Variants in ZFHX3 observed in about 807,000 individuals in gnomAD.
ZFHX3 encodes zinc finger homeobox 3.
In ZFHX3, 42 loss-of-function variants were observed where a neutral mutation model predicts 279.1. That is an observed-to-expected ratio of 0.15 (90% CI 0.12 to 0.19). ZFHX3 has a LOEUF of 0.19. Ranked by LOEUF, ZFHX3 falls within the 10% of genes least tolerant of loss-of-function variation. ZFHX3 has a pLI of 1.00. For synonymous variants in ZFHX3, 2,293 were observed against 1,957.8 expected (o/e 1.17, Z -4.52); for missense variants, 4,981 against 4,754.0 (o/e 1.05, Z -1.40).
At chr16:73,228,894 TCTCC>T (rs1810414559) in intron 5 of ZFHX3, among the ~76,000 whole-genome samples, 1 of 152,170 alleles carries the variant, frequency 6.6e-6, no homozygotes, top group South Asian at 2.1e-4. Flanking sequence ...CTGGTTTCCT[TCTCC>T]CTTGTGTTTT....
chr16:73,178,774 G>A (rs932813623), intron 5 of ZFHX3, among the ~76,000 whole-genome samples: 20 of 152,260 alleles, frequency 1.3e-4, no homozygotes, highest in African/African-American at 4.8e-4. Context: ...AGGCACAGAA[G>A]CATGGCAGAA....
intron 1 of ZFHX3, among the ~76,000 whole-genome samples, chr16:73,729,111 G>A (rs2053546786): frequency 6.6e-6 from 1 of 152,122 alleles, no homozygotes; most frequent in African/African-American, 2.4e-5. Flanking sequence ...CATTCTGAAG[G>A]GTAGTCTGCC....
intron 5 of ZFHX3, among the ~76,000 whole-genome samples, chr16:73,165,782 T>C (rs1190114405): frequency 6.6e-6 from 1 of 152,070 alleles, no homozygotes; most frequent in East Asian, 1.9e-4. Context: ...GGAATAAAAA[T>C]AACTACCTGG....
At position 73,686,127 on chromosome 16, in the gene ZFHX3, T is replaced by A. The variant is rs113470326; in HGVS notation, c.-1607-5887A>T. On this transcript the variant is annotated intron_variant, in intron 1 of 17. Transcript: ENST00000641206. ...TTATTTATTTATTTGAGATTGAGTCTCACTGTTGCCCAGGCTGGAGTGCAG... is the reference window on the plus strand; with the variant it reads ...TTATTTATTTATTTGAGATTGAGTCACACTGTTGCCCAGGCTGGAGTGCAG... 4.9e-4 allele frequency among the ~76,000 whole-genome samples: 75 copies of A among 152,200 alleles called. 1 individual carries two copies. The highest frequency in any genetic ancestry group is 6.8e-3 in the Middle Eastern group (2 of 294).
chr16:73,749,460 G>A (rs1305845107), intron 1 of ZFHX3, among the ~76,000 whole-genome samples: 1 of 152,046 alleles, frequency 6.6e-6, no homozygotes, highest in Non-Finnish European at 1.5e-5. Flanking sequence ...ATTTATTACA[G>A]CTATTTACTA....
intron 4 of ZFHX3, among the ~76,000 whole-genome samples, chr16:72,867,734 A>AG (rs750780252): frequency 3.3e-5 from 4 of 121,704 alleles, no homozygotes; most frequent in Non-Finnish European, 5.9e-5. Context: ...AAAAAAAAAA[A>AG]AAGAAGAAGA....
rs762134796 is a variant in ZFHX3, at chr16:73,780,111, A to ATTTTTTT, written c.-1607-99878_-1607-99872dup. 3.3e-3 allele frequency among the ~76,000 whole-genome samples: 111 copies of ATTTTTTT among 33,214 alleles called. 46 individuals carry two copies. Among genetic ancestry groups the ATTTTTTT allele is most frequent in the Non-Finnish European group, 6.0e-3 (82 of 13,572 alleles). 21.8% of individuals were successfully genotyped at this position (33,214 alleles called of 152,430 possible). A position where few individuals can be genotyped will look rare whatever the true frequency, so the allele number is the denominator to read the frequency against. ...AACCAGCAAAACTCACTGCATTTGA[A>ATTTTTTT]TTTTTTTTTTTTTTTTTTTTTTTTT... is the stretch of plus-strand genomic sequence containing the variant. On this transcript the variant is annotated intron_variant, in intron 1 of 17. Transcript: ENST00000641206.
intron 8 of ZFHX3, among the ~76,000 whole-genome samples, chr16:73,069,660 T>C (rs539421021): frequency 3.9e-5 from 6 of 152,298 alleles, no homozygotes; most frequent in African/African-American, 1.4e-4. Flanking sequence ...CTAGGACTCC[T>C]AGCTTCCCAC....
chr16:73,415,296 T>C (rs918793376), intron 3 of ZFHX3, among the ~76,000 whole-genome samples: 1 of 152,216 alleles, frequency 6.6e-6, no homozygotes, highest in South Asian at 2.1e-4. Flanking sequence ...TTTTTAGTCT[T>C]GAGGTCTGCA....
chr16:73,600,744 G>C (rs566239175), intron 2 of ZFHX3, among the ~76,000 whole-genome samples: 1 of 152,164 alleles, frequency 6.6e-6, no homozygotes, highest in African/African-American at 2.4e-5. Context: ...TGGCATCATG[G>C]ATCTTTGAAA....
intron 3 of ZFHX3, among the ~76,000 whole-genome samples, chr16:73,348,862 T>TA (rs1464675463): frequency 6.6e-6 from 1 of 152,208 alleles, no homozygotes; most frequent in Non-Finnish European, 1.5e-5. Flanking sequence ...AGGCAAGTCT[T>TA]ATGTGCCTAT....
chr16:73,307,476 A>T (rs1439062517), intron 4 of ZFHX3, among the ~76,000 whole-genome samples: 1 of 152,192 alleles, frequency 6.6e-6, no homozygotes, highest in Non-Finnish European at 1.5e-5. Context: ...GAAACGGGAA[A>T]AACTGCTTCT....
chr16:73,417,465 C>T (rs753564769), intron 3 of ZFHX3, among the ~76,000 whole-genome samples: 1 of 138,998 alleles, frequency 7.2e-6, no homozygotes, highest in Non-Finnish European at 1.5e-5. Context: ...CTCCTGGGCT[C>T]AAGTGATCCT....
intron 1 of ZFHX3, among the ~76,000 whole-genome samples, chr16:73,045,153 C>T (rs1172710186): frequency 6.6e-6 from 1 of 152,182 alleles, no homozygotes; most frequent in Non-Finnish European, 1.5e-5. Flanking sequence ...GCTCCTACCC[C>T]TGAAAGATAC....
chr16:73,706,469 A>G (rs1157126642), intron 1 of ZFHX3, among the ~76,000 whole-genome samples: 1 of 152,008 alleles, frequency 6.6e-6, no homozygotes, highest in African/African-American at 2.4e-5. Context: ...AAAAAAAAAA[A>G]AAAAAGAGAA....
chr16:73,714,987 A>G (rs540392610), intron 1 of ZFHX3, among the ~76,000 whole-genome samples: 11 of 152,144 alleles, frequency 7.2e-5, no homozygotes, highest in Non-Finnish European at 1.5e-4. Context: ...AGAATCGTTC[A>G]TTGCCTTTTA....
At chr16:73,398,535 C>T (rs1264691806) in intron 3 of ZFHX3, among the ~76,000 whole-genome samples, 1 of 152,128 alleles carries the variant, frequency 6.6e-6, no homozygotes, top group Non-Finnish European at 1.5e-5. Context: ...TTATTAAATA[C>T]AGCTATTATT....
Position 73,581,896 on chromosome 16 carries a change from G to A in ZFHX3, c.-1547+98284C>T, listed in dbSNP as rs578093426. On this transcript the variant is annotated intron_variant, in intron 2 of 17. Coordinates refer to the ZFHX3 transcript ENST00000641206. ...TCACTGTGTTAGCCAGGATGGTCTC[G>A]ATCTCCTGACCTCATGATCCACCTG... 3.0e-3 allele frequency among the ~76,000 whole-genome samples: 455 copies of A among 151,376 alleles called. 1 individual carries two copies. The highest frequency in any genetic ancestry group is 4.9e-3 in the Non-Finnish European group (330 of 67,910).
chr16:73,186,433 C>T (rs1286842630), intron 5 of ZFHX3, among the ~76,000 whole-genome samples: 2 of 152,018 alleles, frequency 1.3e-5, no homozygotes, highest in African/African-American at 4.8e-5. Context: ...GCATTTGCCT[C>T]GTAGAGTTAT....
Sources: gnomAD v4.1 joint callset for allele counts (sites outside exome capture counted in the v4.1 genomes callset) on GRCh38, gnomAD v4.1.1 for gene constraint, MANE v1.5 for transcripts, NCBI Gene and HGNC (gene_info 2026-07-23, HGNC 2026-07-21) for gene names.